The following SSBP4 variants were observed in gnomAD, a reference collection of about 807,000 sequenced individuals.
SSBP4 encodes the protein single stranded DNA binding protein 4.
A neutral mutation model predicts 64.6 loss-of-function variants in SSBP4; 33 were observed. The observed-to-expected ratio is 0.51, with a 90% CI of 0.39 to 0.68. The LOEUF (loss-of-function observed/expected upper bound fraction) is 0.68. Among genes scored for constraint, SSBP4 ranks in the 30% least tolerant of loss-of-function variants. SSBP4 has a pLI of 0.00. For synonymous variants in SSBP4, 243 were observed against 224.0 expected (o/e 1.08, Z -0.76); for missense variants, 583 against 566.8 (o/e 1.03, Z -0.29).
chr19:18,406,856 G>A, the SSBP4 span, among the ~76,000 whole-genome samples: 2 of 151,874 alleles, frequency 1.3e-5, no homozygotes, highest in South Asian at 2.1e-4. Flanking sequence ...GGGCCAGGGA[G>A]GACTTAAAGG....
intron 17 of SSBP4, 196 bp downstream of exon 17, chr19:18,434,013 C>T (rs1221007322): frequency 1.6e-6 from 2 of 1,215,940 alleles, no homozygotes; most frequent in South Asian, 2.5e-5. Flanking sequence ...ATTTCACCGT[C>T]CCGATCCCAT....
chr19:18,410,528 G>T, the SSBP4 span, among the ~76,000 whole-genome samples: 4 of 152,116 alleles, frequency 2.6e-5, no homozygotes, highest in African/African-American at 9.7e-5. Context: ...TTCAAAATGG[G>T]GACAGGATTT....
At position 18,421,841 on chromosome 19, in the gene SSBP4, G is replaced by C. The variant is rs1972486323; in HGVS notation, c.59+2134G>C. On this transcript the variant is annotated intron_variant, in intron 1 of 17. Coordinates refer to ENST00000270061, the MANE Select transcript of SSBP4 (RefSeq NM_032627.5). ...GGAACAGAGGCTGGGAGGCCCTGGG[G>C]ATGTGGACACAGTTGTCTGAAAGAG... is the stretch of plus-strand genomic sequence containing the variant. Among the ~76,000 whole-genome samples, 4 of 152,164 alleles carry C rather than the reference G, an allele frequency of 2.6e-5. No homozygotes were observed. The South Asian group carries it at 8.3e-4, about 31-fold the overall frequency.
Position 18,426,997 on chromosome 19 carries a change from A to G in SSBP4, c.60-354A>G, listed in dbSNP as rs1013292813. On this transcript the variant is annotated intron_variant, in intron 1 of 17. Coordinates refer to ENST00000270061, the MANE Select transcript of SSBP4 (RefSeq NM_032627.5). This position sits in a 1 kb window ranked among gnomAD's most constrained non-coding sequence, Gnocchi z 4.5. The stretch of plus-strand genomic sequence containing the variant: ...TGGAGGTGGGCCCTGAGCACACTAC[A>G]TGGCCCAGGGTGCCCAGTGGTCGTC... Among the ~76,000 whole-genome samples the G allele has an allele frequency of 6.6e-5, 10 of 151,934 alleles. No individual in the cohort carries two copies. The highest frequency in any genetic ancestry group is 2.2e-4 in the African/African-American group (9 of 41,368).
chr19:18,403,201 A>G, the SSBP4 span, among the ~76,000 whole-genome samples: 1 of 152,186 alleles, frequency 6.6e-6, no homozygotes, highest in Non-Finnish European at 1.5e-5. Context: ...CTTTGCTCAC[A>G]TGTTTTCTTG....
chr19:18,432,385 C>A (rs1392885173), intron 10 of SSBP4, among the ~76,000 whole-genome samples, 171 bp downstream of exon 10: 9 of 152,170 alleles, frequency 5.9e-5, no homozygotes, highest in African/African-American at 1.9e-4. Flanking sequence ...TCTCCTGGGG[C>A]CAGTGATGGG....
chr19:18,434,161 A>C lies in SSBP4; in HGVS notation c.1129-56A>C, dbSNP rs1973807430. The C allele has an allele frequency of 6.3e-6, 10 of 1,599,906 alleles. No individual in the cohort carries two copies. The South Asian group carries it at 1.0e-4, about 16-fold the overall frequency. ...CCCATTGTCCCTGGGGGCGGGTCCC[A>C]GCCTCTTCCGGAGCTGAACTCGGCC... On this transcript the variant is annotated intron_variant, in intron 17 of 17. Transcript: ENST00000270061.
upstream of SSBP4, among the ~76,000 whole-genome samples, chr19:18,417,694 G>T (rs1972173053): frequency 6.6e-6 from 1 of 152,220 alleles, no homozygotes; most frequent in Non-Finnish European, 1.5e-5. This position sits in a 1 kb window ranked among gnomAD's most constrained non-coding sequence, Gnocchi z 5.4. Context: ...AGGCCCGCGG[G>T]AGAGGAAGCT....
chr19:18,418,875 TGTTTA>T (rs1297748613), upstream of SSBP4: 1 of 748,878 alleles, frequency 1.3e-6, no homozygotes, highest in Admixed American at 6.3e-5. The surrounding 1 kb of genome is among the most constrained non-coding windows in gnomAD (Gnocchi z 6.7). Context: ...CGGTGGCCTG[TGTTTA>T]GTTGTTCCAG....
At chr19:18,405,649 C>T in the SSBP4 span, among the ~76,000 whole-genome samples, 2 of 152,036 alleles carry the variant, frequency 1.3e-5, no homozygotes, top group African/African-American at 4.8e-5. Context: ...GCTGGGTCTG[C>T]AGGCACATGT....
intron 1 of SSBP4, among the ~76,000 whole-genome samples, chr19:18,420,698 A>C (rs1290729176): frequency 1.3e-5 from 2 of 151,914 alleles, no homozygotes; most frequent in Non-Finnish European, 2.9e-5. Context: ...TCTCTACTAA[A>C]AATACAAAAA....
In SSBP4 at chr19:18,419,515, G is replaced by A. The variant is rs1972276250; in HGVS notation, c.-134G>A. 5.4e-6 allele frequency: 6 copies of A among 1,112,924 alleles called. No homozygotes were observed. The highest frequency in any genetic ancestry group is 6.6e-6 in the Non-Finnish European group (6 of 911,116). 68.9% of individuals were successfully genotyped at this position (1,112,924 alleles called of 1,614,324 possible). A position where few individuals can be genotyped will look rare whatever the true frequency, so the allele number is the denominator to read the frequency against. On this transcript the variant is annotated 5_prime_UTR_variant, in exon 1 of 18. Coordinates refer to ENST00000270061, the MANE Select transcript of SSBP4 (RefSeq NM_032627.5). ...GCGGCCGTCTGGAGCTCCCCCGCGC[G>A]GACGATGCCTGCCGTGCCCGCCTGG...
intron 4 of SSBP4, among the ~76,000 whole-genome samples, chr19:18,429,549 C>T (rs1189610435): frequency 2.0e-5 from 3 of 151,914 alleles, no homozygotes; most frequent in Non-Finnish European, 4.4e-5. Flanking sequence ...ATTGCCCTCC[C>T]TGCGGGGTGG....
At chr19:18,429,139 C>G (rs565417646) in intron 4 of SSBP4, among the ~76,000 whole-genome samples, 1 of 152,164 alleles carries the variant, frequency 6.6e-6, no homozygotes, top group Non-Finnish European at 1.5e-5. Flanking sequence ...ACTCGTCATG[C>G]CGGGCCGTCG....
chr19:18,431,537 G>GT (rs1474333036), intron 6 of SSBP4, 110 bp from the exon 7 acceptor site: 17 of 1,440,728 alleles, frequency 1.2e-5, no homozygotes, highest in Non-Finnish European at 2.8e-6. Flanking sequence ...TTGCTGGCTG[G>GT]TTCTGGAGGA....
In SSBP4 at chr19:18,423,697, C is replaced by T. The variant is rs1972618293; in HGVS notation, c.60-3654C>T. ...CTGGCTCTGCTTCCCTGCACAGCCT[C>T]ATGCTCGCTCCAGGTCCAGGCGCCC... On this transcript the variant is annotated intron_variant, in intron 1 of 17. Transcript: ENST00000270061. This position sits in a 1 kb window ranked among gnomAD's most constrained non-coding sequence, Gnocchi z 4.0. Among the ~76,000 whole-genome samples, 1 of 152,210 alleles carries T rather than the reference C, an allele frequency of 6.6e-6. No homozygotes were observed. Among genetic ancestry groups the T allele is most frequent in the Admixed American group, 6.5e-5 (1 of 15,282 alleles).
chr19:18,421,385 C>T (rs1470307224), intron 1 of SSBP4, among the ~76,000 whole-genome samples: 1 of 152,246 alleles, frequency 6.6e-6, no homozygotes, highest in Admixed American at 6.5e-5. Flanking sequence ...CACCCCTGGA[C>T]CCCTGGTCTG....
chr19:18,425,250 G>A (rs188434165), intron 1 of SSBP4, among the ~76,000 whole-genome samples: 5 of 152,110 alleles, frequency 3.3e-5, no homozygotes, highest in Non-Finnish European at 7.4e-5. Context: ...CGTGCCCTGG[G>A]TGTGGGGTAC....
At position 18,433,170 on chromosome 19, in the gene SSBP4, C is replaced by G; in HGVS notation, c.948C>G (p.Ala316=). 1 of 1,592,822 alleles carries G rather than the reference C, an allele frequency of 6.3e-7. No homozygotes were observed. Among genetic ancestry groups the G allele is most frequent in the Non-Finnish European group, 8.5e-7 (1 of 1,170,426 alleles). The part of the protein sequence containing the change: ...PLGPGPEGPM[A]AMSAMEPHHV... ...GCCCTGGCCCGGAGGGCCCCATGGC[C>G]GCCATGAGCGCGATGGAGCCTCACC... is the stretch of plus-strand genomic sequence containing the variant. The change falls in exon 15 of 18, where the codon GCC becomes GCG. Residue 316 remains alanine (A), a synonymous_variant. Coordinates refer to ENST00000270061, the MANE Select transcript of SSBP4 (RefSeq NM_032627.5).
Sources: allele counts gnomAD v4.1 joint callset (sites outside exome capture counted in the v4.1 genomes callset), GRCh38; gene constraint gnomAD v4.1.1; non-coding constraint Gnocchi (gnomAD v3.1); transcripts MANE v1.5; gene names NCBI Gene and HGNC (gene_info 2026-07-23, HGNC 2026-07-21).